The following POU2F1 variants were observed in gnomAD, a reference collection of about 807,000 sequenced individuals.
POU2F1 encodes POU domain, class 2, transcription factor 1.
A neutral mutation model predicts 84.9 loss-of-function variants in POU2F1; 16 were observed. The observed-to-expected ratio is 0.19, with a 90% CI of 0.13 to 0.29. The LOEUF (loss-of-function observed/expected upper bound fraction) is 0.29. POU2F1 is among the 10% of genes least tolerant of loss of function. POU2F1 has a pLI of 1.00. For synonymous variants in POU2F1, 368 were observed against 368.3 expected (o/e 1.00, Z 0.01); for missense variants, 738 against 942.6 (o/e 0.78, Z 2.84).
intron 1 of POU2F1, among the ~76,000 whole-genome samples, chr1:167,289,314 A>G (rs1557871073): frequency 6.6e-6 from 1 of 152,236 alleles, no homozygotes; most frequent in Non-Finnish European, 1.5e-5. Flanking sequence ...AGGTTGCTGT[A>G]CTGAACATGA....
At chr1:167,374,627 T>G (rs1007475767) in intron 6 of POU2F1, among the ~76,000 whole-genome samples, 3 of 152,240 alleles carry the variant, frequency 2.0e-5, no homozygotes, top group African/African-American at 7.2e-5. Flanking sequence ...CATGGATTTT[T>G]TTTCATGTGC....
At chr1:167,396,449 T>G in intron 10 of POU2F1, 22 bp downstream of exon 10, 1 of 1,598,046 alleles carries the variant, frequency 6.3e-7, no homozygotes, top group African/African-American at 1.3e-5. Context: ...TATAAGACAT[T>G]TCTTTGTCAT....
At position 167,424,315 on chromosome 1, in the gene POU2F1, T is replaced by G. The variant is rs1312574178; in HGVS notation, c.*8505T>G. On this transcript the variant is annotated 3_prime_UTR_variant, in exon 16 of 16. Coordinates refer to ENST00000367866, the MANE Select transcript of POU2F1 (RefSeq NM_002697.4). The stretch of plus-strand genomic sequence containing the variant: ...ATGTTGTATCTTCCCTAAGGTCAGG[T>G]CGGGGAAAGAAAGACTTCCAGCTTC... 1 of 152,220 alleles carries G rather than the reference T, an allele frequency of 6.6e-6. No homozygotes were observed. Among genetic ancestry groups the G allele is most frequent in the Admixed American group, 6.5e-5 (1 of 15,280 alleles). The allele number at this position is 152,220 out of a possible 1,614,324, so 9.4% of individuals were successfully genotyped here.
chr1:167,372,674 G>T (rs1329111915), intron 5 of POU2F1, among the ~76,000 whole-genome samples: 3 of 152,092 alleles, frequency 2.0e-5, no homozygotes, highest in African/African-American at 4.8e-5. Context: ...GTTTATTTTT[G>T]TACTTGATCT....
chr1:167,408,911 A>G (rs1287692334), intron 13 of POU2F1, among the ~76,000 whole-genome samples: 1 of 152,226 alleles, frequency 6.6e-6, no homozygotes, highest in Admixed American at 6.5e-5. Context: ...TATTCTTACT[A>G]TTGAGTTGTA....
At chr1:167,325,813 T>G (rs996751476) in intron 1 of POU2F1, among the ~76,000 whole-genome samples, 3 of 149,686 alleles carry the variant, frequency 2.0e-5, no homozygotes, top group Non-Finnish European at 4.4e-5. Context: ...CGCTTGAAAC[T>G]AGAAGGCAGA....
intron 13 of POU2F1, among the ~76,000 whole-genome samples, chr1:167,402,756 C>CTT (rs1649298907): frequency 6.6e-6 from 1 of 152,196 alleles, no homozygotes. Flanking sequence ...AGCACTTCCA[C>CTT]TTAATAAGCA....
intron 1 of POU2F1, among the ~76,000 whole-genome samples, chr1:167,275,179 C>T (rs150127950): frequency 2.2e-4 from 33 of 151,936 alleles, no homozygotes; most frequent in Admixed American, 4.6e-4. Context: ...CTTGCACCAT[C>T]ATGCCTGGAT....
chr1:167,401,006 A>AT (rs1481383688), intron 12 of POU2F1, among the ~76,000 whole-genome samples: 1 of 152,154 alleles, frequency 6.6e-6, no homozygotes, highest in African/African-American at 2.4e-5. Flanking sequence ...CAAAACTAGA[A>AT]TTTTTTGTTA....
intron 3 of POU2F1, among the ~76,000 whole-genome samples, chr1:167,367,942 C>T (rs1659788782): frequency 6.6e-6 from 1 of 152,040 alleles, no homozygotes; most frequent in Admixed American, 6.6e-5. Flanking sequence ...TTGCTAACCC[C>T]TTTGAAAGTT....
At chr1:167,294,270 A>G (rs1035871700) in intron 1 of POU2F1, among the ~76,000 whole-genome samples, 3 of 151,432 alleles carry the variant, frequency 2.0e-5, no homozygotes, top group Non-Finnish European at 4.4e-5. Context: ...AATGATGTGA[A>G]CCCGGGAGGC....
intron 1 of POU2F1, among the ~76,000 whole-genome samples, chr1:167,279,347 A>T (rs995408579): frequency 9.9e-5 from 15 of 152,242 alleles, no homozygotes; most frequent in Non-Finnish European, 1.6e-4. Context: ...TATGAAAAAG[A>T]TCATTTTTCT....
chr1:167,264,450 A>T (rs1208843627), intron 1 of POU2F1, among the ~76,000 whole-genome samples: 1 of 152,160 alleles, frequency 6.6e-6, no homozygotes. Context: ...GAACCTGGAG[A>T]GTTAAGGAGG....
At chr1:167,268,412 C>A (rs377597143) in intron 1 of POU2F1, among the ~76,000 whole-genome samples, 1 of 152,048 alleles carries the variant, frequency 6.6e-6, no homozygotes, top group South Asian at 2.1e-4. Context: ...TCTGACTCCC[C>A]CTTTCTTTCT....
intron 13 of POU2F1, among the ~76,000 whole-genome samples, chr1:167,403,288 A>G (rs1311578190): frequency 6.6e-6 from 1 of 152,180 alleles, no homozygotes. Context: ...TTTCAGTAGT[A>G]TTTGTGCAGT....
At chr1:167,317,182 C>T (rs779813614) in intron 1 of POU2F1, among the ~76,000 whole-genome samples, 1 of 152,128 alleles carries the variant, frequency 6.6e-6, no homozygotes, top group Non-Finnish European at 1.5e-5. Context: ...CATGAGCCAC[C>T]GTGCCTGGCT....
chr1:167,238,352 A>G (rs1011632199), intron 1 of POU2F1, among the ~76,000 whole-genome samples: 2 of 152,320 alleles, frequency 1.3e-5, no homozygotes, highest in South Asian at 2.1e-4. Flanking sequence ...AGATGATGCA[A>G]ACAAGGAAAA....
intron 1 of POU2F1, among the ~76,000 whole-genome samples, chr1:167,264,506 TTA>T (rs764789107): frequency 1.3e-5 from 2 of 152,192 alleles, no homozygotes; most frequent in Non-Finnish European, 2.9e-5. Context: ...ATTTTGTATT[TTA>T]TATAAAGTAC....
intron 1 of POU2F1, among the ~76,000 whole-genome samples, chr1:167,265,801 A>G (rs1052708039): frequency 2.6e-5 from 4 of 152,072 alleles, no homozygotes; most frequent in African/African-American, 9.7e-5. Context: ...GCTGCTAAAC[A>G]TCCTGCAATG....
Sources: gnomAD v4.1 joint callset for allele counts (sites outside exome capture counted in the v4.1 genomes callset) on GRCh38, gnomAD v4.1.1 for gene constraint, MANE v1.5 for transcripts, NCBI Gene and HGNC (gene_info 2026-07-23, HGNC 2026-07-21) for gene names.